The following ARHGEF10 variants were observed in gnomAD, a reference collection of about 807,000 sequenced individuals.
ARHGEF10 encodes Rho guanine nucleotide exchange factor 10, also known as Rho guanine nucleotide exchange factor (GEF) 10.
A neutral mutation model predicts 147.4 loss-of-function variants in ARHGEF10; 140 were observed. The observed-to-expected ratio is 0.95, with a 90% CI of 0.83 to 1.09. ARHGEF10 has a LOEUF of 1.09. ARHGEF10 is among the 50% of genes least tolerant of loss of function. The pLI is 0.00. For synonymous variants in ARHGEF10, 902 were observed against 695.8 expected, an observed-to-expected ratio of 1.30 and a Z score of -4.67; for missense variants, 2,222 against 1,752.7, an observed-to-expected ratio of 1.27 and a Z score of -4.78.
intron 10 of ARHGEF10, among the ~76,000 whole-genome samples, chr8:1,885,336 A>C (rs1333237635): frequency 6.6e-6 from 1 of 152,348 alleles, no homozygotes; most frequent in Non-Finnish European, 1.5e-5. Context: ...TTTGCTATCT[A>C]GCTATTCAAA....
intron 18 of ARHGEF10, among the ~76,000 whole-genome samples, chr8:1,911,758 C>T (rs1283805043): frequency 6.6e-6 from 1 of 152,150 alleles, no homozygotes; most frequent in Non-Finnish European, 1.5e-5. Context: ...GAATGACGTC[C>T]CTTCACTCTG....
chr8:1,871,376 T>G (rs187570706), intron 7 of ARHGEF10, among the ~76,000 whole-genome samples: 1 of 152,090 alleles, frequency 6.6e-6, no homozygotes, highest in East Asian at 1.9e-4. Context: ...TACAAACATT[T>G]AGAAATTAAA....
In ARHGEF10 at chr8:1,909,376, C is replaced by G; in HGVS notation, c.2049C>G (p.Ile683Met). Residue 683 changes from isoleucine (I) to methionine (M), a missense_variant, in exon 18 of 29, where the codon ATC becomes ATG. Physicochemically the swap from Ile to Met is conservative, Grantham distance 10. Transcript: ENST00000349830. Reference sequence around the variant, plus strand: ...TTCCACTGGGACATGTGGACGCCATCGAGTATGGCAGCAGCGCAGGCACGG... The same window carrying G: ...TTCCACTGGGACATGTGGACGCCATGGAGTATGGCAGCAGCGCAGGCACGG... ...WSVPLGHVDA[I>M]EYGSSAGTGE... The G allele has an allele frequency of 6.2e-7, 1 of 1,614,184 alleles. No homozygotes were observed. The highest frequency in any genetic ancestry group is 2.2e-5 in the East Asian group (1 of 44,888).
chr8:1,832,176 C>T (rs955829887), intron 1 of ARHGEF10, among the ~76,000 whole-genome samples: 15 of 152,146 alleles, frequency 9.9e-5, no homozygotes, highest in Non-Finnish European at 1.8e-4. Context: ...CACGCTGCTC[C>T]AAGGGAGTCT....
chr8:1,862,723 C>G (rs180932501), intron 4 of ARHGEF10, among the ~76,000 whole-genome samples: 1 of 152,000 alleles, frequency 6.6e-6, no homozygotes, highest in Non-Finnish European at 1.5e-5. Flanking sequence ...CTGCAAAACA[C>G]AAGTAAAAGC....
At chr8:1,861,729 C>T (rs17064321) in intron 4 of ARHGEF10, among the ~76,000 whole-genome samples, 20,783 of 152,128 alleles carry the variant, frequency 0.14, 1,500 homozygotes, top group South Asian at 0.19. Flanking sequence ...CTGTTGAAGT[C>T]GGCCAGAGTC....
intron 1 of ARHGEF10, among the ~76,000 whole-genome samples, chr8:1,835,522 A>G (rs907324864): frequency 2.6e-5 from 4 of 152,186 alleles, no homozygotes; most frequent in Non-Finnish European, 5.9e-5. Flanking sequence ...CCCACGCAGG[A>G]GTCAGCATGA....
chr8:1,825,789 CGGGT>C (rs1357653246), intron 1 of ARHGEF10, among the ~76,000 whole-genome samples: 2 of 152,142 alleles, frequency 1.3e-5, no homozygotes, highest in Non-Finnish European at 2.9e-5. Flanking sequence ...CAAGATGTAA[CGGGT>C]TTTAATTCTT....
At chr8:1,940,546 A>G (rs1474515531) in intron 26 of ARHGEF10, among the ~76,000 whole-genome samples, 2 of 152,242 alleles carry the variant, frequency 1.3e-5, no homozygotes, top group African/African-American at 4.8e-5. Flanking sequence ...GGTGAATTCT[A>G]ACCAAACATC....
Position 1,956,948 on chromosome 8 carries a change from C to A in ARHGEF10, c.3720C>A (p.Ala1240=). Residue 1240 remains alanine, a synonymous_variant, in exon 29 of 29, where the codon GCC becomes GCA. Coordinates refer to ENST00000349830, the MANE Select transcript of ARHGEF10 (RefSeq NM_014629.4). ...SSLSQGDPDA[A]IWLGDSLGSM... Reference sequence around the variant, plus strand: ...TGAGCCAGGGTGACCCTGACGCAGCCATCTGGTTGGGAGATTCGCTGGGAT... The same window carrying A: ...TGAGCCAGGGTGACCCTGACGCAGCAATCTGGTTGGGAGATTCGCTGGGAT... The A allele has an allele frequency of 6.2e-7, 1 of 1,614,180 alleles. No individual in the cohort carries two copies. The highest frequency in any genetic ancestry group is 8.5e-7 in the Non-Finnish European group (1 of 1,180,026).
At chr8:1,900,773 C>G (rs1201954403) in intron 15 of ARHGEF10, among the ~76,000 whole-genome samples, 1 of 152,182 alleles carries the variant, frequency 6.6e-6, no homozygotes, top group African/African-American at 2.4e-5. Flanking sequence ...TAGAAAGATT[C>G]AGTGTGCTCT....
intron 18 of ARHGEF10, among the ~76,000 whole-genome samples, chr8:1,910,207 C>G (rs1811255776): frequency 1.3e-5 from 2 of 152,176 alleles, no homozygotes; most frequent in Non-Finnish European, 2.9e-5. Context: ...GTTAACCTTT[C>G]ATAGGTTAAA....
chr8:1,860,329 C>G lies in ARHGEF10; in HGVS notation c.481+145C>G, dbSNP rs540837350. ...GAGTCCGGGCCTGACCTTCCCCCCT[C>G]CTCCTCCTCTCCATGCCCCCGATGT... is the stretch of plus-strand genomic sequence containing the variant. On this transcript the variant is annotated intron_variant, in intron 4 of 28. Transcript: ENST00000349830. 266 of 1,084,364 alleles carry G rather than the reference C, an allele frequency of 2.5e-4. No homozygotes were observed. In the African/African-American group the frequency reaches 3.2e-3, roughly 13 times the overall value. The allele number at this position is 1,084,364 out of a possible 1,614,324, so 67.2% of individuals were successfully genotyped here.
At chr8:1,890,310 G>A (rs1421199335) in intron 11 of ARHGEF10, among the ~76,000 whole-genome samples, 1 of 149,480 alleles carries the variant, frequency 6.7e-6, no homozygotes, top group Non-Finnish European at 1.5e-5. Flanking sequence ...GACACTGATG[G>A]GGTGAGGGTT....
At chr8:1,944,295 G>A (rs1357202019) in intron 26 of ARHGEF10, among the ~76,000 whole-genome samples, 3 of 151,316 alleles carry the variant, frequency 2.0e-5, no homozygotes, top group Non-Finnish European at 4.4e-5. Flanking sequence ...CCAGCCTGAG[G>A]ACACAGTCCT....
In ARHGEF10 at chr8:1,958,295, C is replaced by T. The variant is rs977074789; in HGVS notation, c.*1032C>T. ...GTGCAGACGCCTCCTCTGCAGAACGCATCAGTTTCTATTCTGCAGTTGCAG... is the reference window on the plus strand; with the variant it reads ...GTGCAGACGCCTCCTCTGCAGAACGTATCAGTTTCTATTCTGCAGTTGCAG... On this transcript the variant is annotated 3_prime_UTR_variant, in exon 29 of 29. Coordinates refer to ENST00000349830, the MANE Select transcript of ARHGEF10 (RefSeq NM_014629.4). 3.3e-5 allele frequency: 5 copies of T among 152,220 alleles called. No individual in the cohort carries two copies. The highest frequency in any genetic ancestry group is 1.2e-4 in the African/African-American group (5 of 41,456). The allele number at this position is 152,220 out of a possible 1,614,324, so 9.4% of individuals were successfully genotyped here.
At position 1,937,962 on chromosome 8, in the gene ARHGEF10, T is replaced by C. The variant is rs1018262216; in HGVS notation, c.3222+4020T>C. 2.0e-5 allele frequency among the ~76,000 whole-genome samples: 3 copies of C among 152,162 alleles called. No individual in the cohort carries two copies. The highest frequency in any genetic ancestry group is 2.1e-4 in the South Asian group (1 of 4,834). On this transcript the variant is annotated intron_variant, in intron 26 of 28. Coordinates refer to ENST00000349830, the MANE Select transcript of ARHGEF10 (RefSeq NM_014629.4). This position sits in a 1 kb window ranked among gnomAD's most constrained non-coding sequence, Gnocchi z 4.9. The stretch of plus-strand genomic sequence containing the variant: ...GGGGTGGCTGGCCCCGTCCCAGCTC[T>C]GGCGCCATAACAAAGCAGCACTGGG...
chr8:1,944,396 G>GATGC lies in ARHGEF10; in HGVS notation c.3223-1084_3223-1081dup, dbSNP rs553211609. 1.8e-3 allele frequency among the ~76,000 whole-genome samples: 279 copies of GATGC among 152,326 alleles called. 1 individual carries two copies. The highest frequency in any genetic ancestry group is 6.6e-3 in the African/African-American group (274 of 41,578). On this transcript the variant is annotated intron_variant, in intron 26 of 28. Coordinates refer to ENST00000349830, the MANE Select transcript of ARHGEF10 (RefSeq NM_014629.4). ...TGGAATCTCAACTGAAATAAGAGGCGATGCCATGGGAGAAGGGATCTCCCA... is the reference window on the plus strand; with the variant it reads ...TGGAATCTCAACTGAAATAAGAGGCGATGCATGCCATGGGAGAAGGGATCTCCCA...
chr8:1,921,206 A>G (rs1377520956), intron 18 of ARHGEF10, among the ~76,000 whole-genome samples: 1 of 152,256 alleles, frequency 6.6e-6, no homozygotes, highest in African/African-American at 2.4e-5. Context: ...TGTCTTCAAC[A>G]TAAAGTGCCT....
Sources: gnomAD v4.1 joint callset for allele counts (sites outside exome capture counted in the v4.1 genomes callset) on GRCh38, gnomAD v4.1.1 for gene constraint, Gnocchi (gnomAD v3.1) non-coding constraint, MANE v1.5 for transcripts, NCBI Gene and HGNC (gene_info 2026-07-23, HGNC 2026-07-21) for gene names.